RAD54L2: variants seen among roughly 807,000 people sequenced by gnomAD.
RAD54L2 encodes RAD54 like 2, also known as helicase ARIP4.
Under a neutral mutation model 138.4 loss-of-function variants are expected in RAD54L2, and 27 were observed. That is an observed-to-expected ratio of 0.20 (90% confidence interval 0.14 to 0.27). The LOEUF is 0.27. RAD54L2 is among the 10% of genes least tolerant of loss of function. RAD54L2 has a pLI of 1.00. For synonymous variants in RAD54L2, 644 were observed against 723.2 expected (o/e 0.89, Z 1.76); for missense variants, 1,396 against 1,890.2 (o/e 0.74, Z 4.85).
In RAD54L2 at chr3:51,637,901, T is replaced by C. The variant is rs529090832; in HGVS notation, c.1683-243T>C. On this transcript the variant is annotated intron_variant, in intron 11 of 22. Transcript: ENST00000684192. The surrounding 1 kb of genome is among the most constrained non-coding windows in gnomAD (Gnocchi z 5.9). ...TTAAAGTAAGAACCTCAAGTTCCCC[T>C]GTCTCTGTCATGCAGTCAGACTTGA... Among the ~76,000 whole-genome samples, 113 of 152,360 alleles carry C rather than the reference T, an allele frequency of 7.4e-4. No individual in the cohort carries two copies. Among genetic ancestry groups the C allele is most frequent in the African/African-American group, 2.6e-3 (109 of 41,592 alleles).
rs560531029 is a variant in RAD54L2 at position 51,546,858 on chromosome 3, A to G, written c.-55+5208A>G. ...AGCTTGGCTAACATGGCGAAACCCT[A>G]TCTCTACTAAAAATACAAAAATTAG... On this transcript the variant is annotated intron_variant, in intron 2 of 22. Coordinates refer to ENST00000684192, the MANE Select transcript of RAD54L2 (RefSeq NM_015106.4). Among the ~76,000 whole-genome samples, 29 of 151,602 alleles carry G rather than the reference A, an allele frequency of 1.9e-4. 1 individual carries two copies. The South Asian group carries it at 5.8e-3, about 31-fold the overall frequency.
chr3:51,593,172 C>G (rs1951882699), intron 3 of RAD54L2, among the ~76,000 whole-genome samples: 1 of 151,888 alleles, frequency 6.6e-6, no homozygotes, highest in African/African-American at 2.4e-5. Flanking sequence ...GGTGGGGATG[C>G]TACTGTCATC....
Position 51,662,508 on chromosome 3 carries a change from G to T in RAD54L2, c.3492G>T (p.Leu1164=). The change falls in exon 23 of 23, where the codon CTG becomes CTT. Residue 1164 remains leucine (L), a synonymous_variant. Coordinates refer to ENST00000684192, the MANE Select transcript of RAD54L2 (RefSeq NM_015106.4). The surrounding 1 kb of genome is among the most constrained non-coding windows in gnomAD (Gnocchi z 4.6). ...CCAAAGCCCCCGACCCTGAGGGGCT[G>T]GCCAGGCCCGTCTCTCCTGACAGCC... ...SSPKAPDPEG[L]ARPVSPDSPE... The T allele has an allele frequency of 6.2e-7, 1 of 1,612,080 alleles. No individual in the cohort carries two copies.
intron 2 of RAD54L2, among the ~76,000 whole-genome samples, chr3:51,551,186 G>C (rs1329991251): frequency 6.6e-6 from 1 of 151,858 alleles, no homozygotes; most frequent in East Asian, 1.9e-4. Context: ...AGGCTGGAAT[G>C]CAGTGGCATG....
chr3:51,614,688 A>G (rs1228252320), intron 3 of RAD54L2, among the ~76,000 whole-genome samples: 1 of 151,986 alleles, frequency 6.6e-6, no homozygotes, highest in East Asian at 1.9e-4. Flanking sequence ...AATTTTTTAA[A>G]TTTTAGTAGA....
chr3:51,657,409 A>G (rs533789495), intron 20 of RAD54L2, among the ~76,000 whole-genome samples, 171 bp from the exon 21 acceptor site: 1 of 152,330 alleles, frequency 6.6e-6, no homozygotes, highest in Admixed American at 6.5e-5. Context: ...TTGTTTAGAT[A>G]ATTGTGAAAG....
chr3:51,561,432 G>A (rs552629897), intron 2 of RAD54L2, among the ~76,000 whole-genome samples: 1 of 152,234 alleles, frequency 6.6e-6, no homozygotes, highest in Non-Finnish European at 1.5e-5. Context: ...TTTTAGTAGA[G>A]ACGGGTTTCA....
intron 3 of RAD54L2, 50 bp from the exon 4 acceptor site, chr3:51,627,503 T>C: frequency 6.6e-7 from 1 of 1,509,506 alleles, no homozygotes; most frequent in Non-Finnish European, 9.0e-7. Flanking sequence ...TCATCCAGAC[T>C]CATTCCCCCT....
rs764887192 is a variant in RAD54L2 at position 51,627,616 on chromosome 3, C to A, written c.203C>A (p.Pro68Gln). 1 of 1,567,036 alleles carries A rather than the reference C, an allele frequency of 6.4e-7. No individual in the cohort carries two copies. The highest frequency in any genetic ancestry group is 2.4e-5 in the East Asian group (1 of 41,674). ...CAGTTGGGAGAAGATGGGCAGCAGC[C>A]GCCGCGGTGCACTTCAACTACCTCA... is the stretch of plus-strand genomic sequence containing the variant. ...HAQLGEDGQQ[P>Q]PRCTSTTSSQ... is the part of the protein sequence containing the mutation. Residue 68 changes from proline to glutamine, a missense_variant, in exon 4 of 23, where the codon CCG (proline) becomes CAG (glutamine). By Grantham distance (76) the Pro-to-Gln change is moderately conservative. Around this residue, in one of 7 missense-constraint regions of RAD54L2, gnomAD observed 256 missense variants for 344.6 expected, o/e 0.74. Coordinates refer to ENST00000684192, the MANE Select transcript of RAD54L2 (RefSeq NM_015106.4).
intron 2 of RAD54L2, among the ~76,000 whole-genome samples, chr3:51,579,066 A>G (rs1699549436): frequency 6.6e-6 from 1 of 152,042 alleles, no homozygotes; most frequent in Non-Finnish European, 1.5e-5. Context: ...TACACCATCA[A>G]GCTGTCCCTC....
chr3:51,596,291 C>T (rs1181889708), intron 3 of RAD54L2, among the ~76,000 whole-genome samples: 1 of 150,146 alleles, frequency 6.7e-6, no homozygotes. Flanking sequence ...GTCAACTGTC[C>T]GTGATAGGGA....
chr3:51,556,099 C>T lies in RAD54L2; in HGVS notation c.-55+14449C>T, dbSNP rs560462248. Among the ~76,000 whole-genome samples, 6 of 152,250 alleles carry T rather than the reference C, an allele frequency of 3.9e-5. No homozygotes were observed. The South Asian group carries it at 1.2e-3, about 32-fold the overall frequency. The stretch of plus-strand genomic sequence containing the variant: ...TTTGTAAGGTCCTCCTATAGTCTTT[C>T]CTAGCCTTGATCCCCTCCCCTTTTG... On this transcript the variant is annotated intron_variant, in intron 2 of 22. Coordinates refer to ENST00000684192, the MANE Select transcript of RAD54L2 (RefSeq NM_015106.4).
chr3:51,549,014 A>C (rs1304555467), intron 2 of RAD54L2, among the ~76,000 whole-genome samples: 1 of 151,566 alleles, frequency 6.6e-6, no homozygotes, highest in Non-Finnish European at 1.5e-5. Flanking sequence ...GTTTTTTGAG[A>C]CACAGTCTTG....
At chr3:51,619,085 T>C (rs1559638897) in intron 3 of RAD54L2, among the ~76,000 whole-genome samples, 1 of 152,136 alleles carries the variant, frequency 6.6e-6, no homozygotes. Flanking sequence ...TGAGACAGAG[T>C]CTTGCTCTGT....
chr3:51,559,278 C>G (rs1699046308), intron 2 of RAD54L2, among the ~76,000 whole-genome samples: 1 of 152,206 alleles, frequency 6.6e-6, no homozygotes, highest in Admixed American at 6.6e-5. Context: ...AGGTTATACT[C>G]TCCAGCTTCC....
chr3:51,610,274 CATT>C (rs1700297666), intron 3 of RAD54L2, among the ~76,000 whole-genome samples: 1 of 152,168 alleles, frequency 6.6e-6, no homozygotes, highest in African/African-American at 2.4e-5. Flanking sequence ...GATTTGTTCT[CATT>C]ATTATTACCT....
chr3:51,652,437 C>T (rs1332120246), intron 19 of RAD54L2, among the ~76,000 whole-genome samples: 1 of 152,034 alleles, frequency 6.6e-6, no homozygotes, highest in Admixed American at 6.6e-5. Flanking sequence ...AACTAAAGTT[C>T]ATATGGAACC....
At chr3:51,567,451 T>G (rs1699242916) in intron 2 of RAD54L2, among the ~76,000 whole-genome samples, 1 of 152,186 alleles carries the variant, frequency 6.6e-6, no homozygotes, top group Non-Finnish European at 1.5e-5. Flanking sequence ...TGTTAACTTT[T>G]GCAATTTTTT....
intron 3 of RAD54L2, among the ~76,000 whole-genome samples, chr3:51,603,875 A>G (rs1026774685): frequency 1.8e-4 from 27 of 152,242 alleles, no homozygotes; most frequent in African/African-American, 5.8e-4. Flanking sequence ...ATTGTAGGCA[A>G]GTGGAATAGC....
Sources: allele counts gnomAD v4.1 joint callset (sites outside exome capture counted in the v4.1 genomes callset), GRCh38; gene constraint gnomAD v4.1.1; regional missense constraint gnomAD v4.1.1; non-coding constraint Gnocchi (gnomAD v3.1); transcripts MANE v1.5; gene names NCBI Gene and HGNC (gene_info 2026-07-23, HGNC 2026-07-21).